The following ARK2C variants were observed in gnomAD, a reference collection of about 807,000 sequenced individuals.
ARK2C encodes E3 ubiquitin-protein ligase ARK2C.
At chr18:46,456,577 A>C in the ARK2C span, 8 of 1,614,020 alleles carry the variant, frequency 5.0e-6, no homozygotes, top group Non-Finnish European at 6.8e-6. Context: ...GCTCGCCATG[A>C]GCAAGAAATG....
the ARK2C span, among the ~76,000 whole-genome samples, chr18:46,352,830 G>A: frequency 3.3e-4 from 51 of 152,300 alleles, no homozygotes; most frequent in Admixed American, 1.2e-3. Flanking sequence ...TTGCATTACC[G>A]TAGAAGGAGA....
chr18:46,390,163 G>A, the ARK2C span, among the ~76,000 whole-genome samples: 1 of 152,168 alleles, frequency 6.6e-6, no homozygotes, highest in African/African-American at 2.4e-5. Context: ...CCTGTGGGAT[G>A]AGCCAGGCTG....
the ARK2C span, among the ~76,000 whole-genome samples, chr18:46,409,847 TC>T: frequency 5.9e-5 from 9 of 152,354 alleles, no homozygotes; most frequent in East Asian, 1.7e-3. Context: ...ATGCATGTTC[TC>T]CTATTGATGG....
At chr18:46,430,415 A>G in the ARK2C span, among the ~76,000 whole-genome samples, 2 of 152,140 alleles carry the variant, frequency 1.3e-5, no homozygotes, top group Non-Finnish European at 2.9e-5. Flanking sequence ...TTGTTTGGAC[A>G]CTTCACAGGG....
the ARK2C span, chr18:46,334,699 TGTGTGTGTGTGTGTGTGA>T: frequency 5.1e-5 from 16 of 316,626 alleles, no homozygotes; most frequent in Admixed American, 6.4e-5. This position sits in a 1 kb window ranked among gnomAD's most constrained non-coding sequence, Gnocchi z 4.4. Flanking sequence ...TGTGTGTGTG[TGTGTGTGTGTGTGTGTGA>T]GAGAGAGAGA....
the ARK2C span, among the ~76,000 whole-genome samples, chr18:46,418,139 A>C: frequency 6.6e-6 from 1 of 152,160 alleles, no homozygotes; most frequent in African/African-American, 2.4e-5. Context: ...ACCTGAGGCC[A>C]GCAGGTTGAG....
chr18:46,421,963 C>A, the ARK2C span, among the ~76,000 whole-genome samples: 1 of 152,166 alleles, frequency 6.6e-6, no homozygotes, highest in Non-Finnish European at 1.5e-5. Context: ...CCTTGGCATA[C>A]TCCATTGGAC....
the ARK2C span, among the ~76,000 whole-genome samples, chr18:46,354,507 T>G: frequency 6.6e-6 from 1 of 152,224 alleles, no homozygotes; most frequent in Non-Finnish European, 1.5e-5. Context: ...CTCAGCTCCC[T>G]TAGAGGCCGA....
the ARK2C span, among the ~76,000 whole-genome samples, chr18:46,445,145 C>A: frequency 2.0e-5 from 3 of 151,988 alleles, no homozygotes; most frequent in African/African-American, 7.3e-5. Context: ...GGATTATACA[C>A]TGTTAAGTAG....
the ARK2C span, among the ~76,000 whole-genome samples, chr18:46,401,629 T>C: frequency 6.6e-6 from 1 of 152,198 alleles, no homozygotes; most frequent in Non-Finnish European, 1.5e-5. Context: ...CACTCCCTCC[T>C]GTGATCTTCC....
chr18:46,397,897 AGG>A, the ARK2C span, among the ~76,000 whole-genome samples: 1 of 92,508 alleles, frequency 1.1e-5, no homozygotes, highest in Admixed American at 1.3e-4. Context: ...CTGAGGTGTG[AGG>A]GGGTGTGTGC....
At chr18:46,428,193 G>A in the ARK2C span, among the ~76,000 whole-genome samples, 1 of 152,116 alleles carries the variant, frequency 6.6e-6, no homozygotes, top group Admixed American at 6.5e-5. Context: ...GGCGGACCAC[G>A]AGGTCAGGAG....
the ARK2C span, among the ~76,000 whole-genome samples, chr18:46,402,699 C>T: frequency 6.6e-6 from 1 of 152,140 alleles, no homozygotes; most frequent in African/African-American, 2.4e-5. Flanking sequence ...CAAGGTTTTG[C>T]CATGTTGCCC....
chr18:46,416,097 T>C, the ARK2C span, among the ~76,000 whole-genome samples: 2 of 152,160 alleles, frequency 1.3e-5, no homozygotes, highest in Non-Finnish European at 2.9e-5. Context: ...CTCAAAACAA[T>C]TGATTTGTCT....
chr18:46,368,350 C>T, the ARK2C span, among the ~76,000 whole-genome samples: 2,478 of 152,220 alleles, frequency 0.016, 71 homozygotes, highest in African/African-American at 0.057. Context: ...TCCCTTTCTG[C>T]CTCCACCCCC....
chr18:46,383,825 A>G, the ARK2C span, among the ~76,000 whole-genome samples: 2 of 151,952 alleles, frequency 1.3e-5, no homozygotes, highest in Admixed American at 1.3e-4. Flanking sequence ...TGCTGGGATC[A>G]CAGGCGTGAG....
At chr18:46,391,220 G>T in the ARK2C span, among the ~76,000 whole-genome samples, 1 of 152,186 alleles carries the variant, frequency 6.6e-6, no homozygotes, top group African/African-American at 2.4e-5. Context: ...CATTTCACAT[G>T]AGTGATCTCG....
At chr18:46,402,904 C>T in the ARK2C span, among the ~76,000 whole-genome samples, 22 of 152,322 alleles carry the variant, frequency 1.4e-4, no homozygotes, top group African/African-American at 5.3e-4. Context: ...TTCCTGGTGT[C>T]TCAGGACACT....
chr18:46,375,579 AATAATAATAATAATAAT>A, the ARK2C span, among the ~76,000 whole-genome samples: 1 of 149,430 alleles, frequency 6.7e-6, no homozygotes, highest in Admixed American at 6.7e-5. Flanking sequence ...TAATAATAAT[AATAATAATAATAATAAT>A]AACTTGTCCT....
Sources: allele counts gnomAD v4.1 joint callset (sites outside exome capture counted in the v4.1 genomes callset), GRCh38; gene constraint gnomAD v4.1.1; non-coding constraint Gnocchi (gnomAD v3.1); transcripts MANE v1.5; gene names NCBI Gene and HGNC (gene_info 2026-07-23, HGNC 2026-07-21).